PPP2R3B: variants seen among roughly 807,000 people sequenced by gnomAD.
The protein encoded by PPP2R3B is serine/threonine-protein phosphatase 2A regulatory subunit B'' subunit beta.
A neutral mutation model predicts 72.9 loss-of-function variants in PPP2R3B; 68 were observed. That is an observed-to-expected ratio of 0.93 (90% CI 0.77 to 1.14). The LOEUF (loss-of-function observed/expected upper bound fraction) is 1.14. PPP2R3B is among the 50% of genes most tolerant of loss of function. PPP2R3B has a pLI of 0.00. For missense variants in PPP2R3B, 1,018 were observed against 842.0 expected (o/e 1.21, Z -2.59); for synonymous variants, 466 against 375.8 (o/e 1.24, Z -2.78).
intron 1 of PPP2R3B, 141 bp from the exon 2 acceptor site, chrX:361,731 C>A: frequency 1.1e-6 from 1 of 899,388 alleles, no homozygotes; most frequent in Non-Finnish European, 1.7e-6. Flanking sequence ...ACTGCAATCC[C>A]TGCGGGGGAC....
intron 7 of PPP2R3B, 168 bp from the exon 8 acceptor site, chrX:342,099 C>A (rs1224770582): frequency 6.8e-6 from 5 of 738,546 alleles, no homozygotes; most frequent in Non-Finnish European, 9.6e-6. Flanking sequence ...CCTAGGGGCC[C>A]ACCACGCTTT....
Position 334,139 on chromosome X carries a change from T to C in PPP2R3B, c.*228A>G. The C allele has an allele frequency of 4.6e-6, 2 of 430,700 alleles. No individual in the cohort carries two copies. The allele number at this position is 430,700 out of a possible 1,614,324, so 26.7% of individuals were successfully genotyped here. On this transcript the variant is annotated 3_prime_UTR_variant, in exon 13 of 13. Coordinates refer to ENST00000390665, the MANE Select transcript of PPP2R3B (RefSeq NM_013239.5). ...CGGCAAGCGCCAGAGGGTGTCCGTG[T>C]GGGAACCCGTCCCATTCACGCGCGG...
rs1168561598 is a variant in PPP2R3B, at chrX:334,130, G to A, written c.*237C>T. ...GGTCGGGAACGGCAAGCGCCAGAGG[G>A]TGTCCGTGTGGGAACCCGTCCCATT... On this transcript the variant is annotated 3_prime_UTR_variant, in exon 13 of 13. Coordinates refer to ENST00000390665, the MANE Select transcript of PPP2R3B (RefSeq NM_013239.5). 1 of 413,214 alleles carries A rather than the reference G, an allele frequency of 2.4e-6. No individual in the cohort carries two copies. The highest frequency in any genetic ancestry group is 4.2e-6 in the Non-Finnish European group (1 of 238,564). The allele number at this position is 413,214 out of a possible 1,614,324, so 25.6% of individuals were successfully genotyped here. A position where few individuals can be genotyped will look rare whatever the true frequency, so the allele number is the denominator to read the frequency against.
chrX:386,740 C>T lies in PPP2R3B; in HGVS notation c.-49G>A, dbSNP rs1182618168. The T allele has an allele frequency of 8.6e-7, 1 of 1,159,478 alleles. No homozygotes were observed. Among genetic ancestry groups the T allele is most frequent in the Non-Finnish European group, 1.1e-6 (1 of 934,940 alleles). The allele number at this position is 1,159,478 out of a possible 1,614,324, so 71.8% of individuals were successfully genotyped here. ...CCCCGGACGCCCGCGCCCCGCCCCG[C>T]CCCGGGGGCTTCGGTCCGCCCCGGA... On this transcript the variant is annotated 5_prime_UTR_variant, in exon 1 of 13. Coordinates refer to ENST00000390665, the MANE Select transcript of PPP2R3B (RefSeq NM_013239.5).
chrX:374,991 C>A lies in PPP2R3B; in HGVS notation c.324+11377G>T, dbSNP rs1279560301. Among the ~76,000 whole-genome samples, 6 of 152,300 alleles carry A rather than the reference C, an allele frequency of 3.9e-5. No individual in the cohort carries two copies. The South Asian group carries it at 1.2e-3, about 32-fold the overall frequency. ...TCCTAGACTTGGAACCAGAAGTCTG[C>A]AGCCATCTCAGACTGGCCTTTTCTT... On this transcript the variant is annotated intron_variant, in intron 1 of 12. Transcript: ENST00000390665.
intron 1 of PPP2R3B, among the ~76,000 whole-genome samples, chrX:380,935 TTTC>T (rs2072110691): frequency 6.6e-6 from 1 of 151,184 alleles, no homozygotes; most frequent in African/African-American, 2.4e-5. Flanking sequence ...TGGCGTTTTC[TTTC>T]TTTTTTTTTT....
At chrX:370,112 C>G (rs1269338220) in intron 1 of PPP2R3B, among the ~76,000 whole-genome samples, 1 of 152,164 alleles carries the variant, frequency 6.6e-6, no homozygotes, top group Non-Finnish European at 1.5e-5. Context: ...GCACGCTGGA[C>G]GGCTAAACAC....
At chrX:352,439 G>A (rs141147749) in intron 2 of PPP2R3B, among the ~76,000 whole-genome samples, 1,515 of 151,384 alleles carry the variant, frequency 0.01, 33 homozygotes, top group African/African-American at 0.035. Context: ...TCCAGGACAC[G>A]GCAACGGGAC....
At position 334,517 on chromosome X, in the gene PPP2R3B, C is replaced by A. The variant is rs1367826632; in HGVS notation, c.1578G>T (p.Gly526=). The change falls in exon 13 of 13, where the codon GGG becomes GGT. Residue 526 remains glycine (G), a splice_region_variant and synonymous_variant. Transcript: ENST00000390665. Reference sequence around the variant, plus strand: ...CCACAGGGCTGAGCTCGGCCTCGAACCTGCAACGAGGGGATGGCGAAGACG... The same window carrying A: ...CCACAGGGCTGAGCTCGGCCTCGAAACTGCAACGAGGGGATGGCGAAGACG... ...EETAGEPWED[G]FEAELSPVEQ... The A allele has an allele frequency of 6.5e-7, 1 of 1,538,892 alleles. No homozygotes were observed. Among genetic ancestry groups the A allele is most frequent in the Non-Finnish European group, 8.7e-7 (1 of 1,149,994 alleles).
In PPP2R3B at chrX:333,959, C is replaced by T. The variant is rs2070812647; in HGVS notation, c.*408G>A. The T allele has an allele frequency of 5.9e-6, 1 of 168,980 alleles. No individual in the cohort carries two copies. The highest frequency in any genetic ancestry group is 1.3e-5 in the Non-Finnish European group (1 of 79,636). 10.5% of individuals were successfully genotyped at this position (168,980 alleles called of 1,614,324 possible). A position where few individuals can be genotyped will look rare whatever the true frequency, so the allele number is the denominator to read the frequency against. On this transcript the variant is annotated 3_prime_UTR_variant, in exon 13 of 13. Coordinates refer to ENST00000390665, the MANE Select transcript of PPP2R3B (RefSeq NM_013239.5). ...CCTCCAAACGTACAAGCGTGATCGC[C>T]AGAAACGGTTTTGTACGTTTACACA... is the stretch of plus-strand genomic sequence containing the variant.
rs1013736419 is a variant in PPP2R3B at position 334,114 on chromosome X, C to T, written c.*253G>A. 11 of 378,294 alleles carry T rather than the reference C, an allele frequency of 2.9e-5. No individual in the cohort carries two copies. The highest frequency in any genetic ancestry group is 6.8e-4 in the Middle Eastern group (1 of 1,470). The allele number at this position is 378,294 out of a possible 1,614,324, so 23.4% of individuals were successfully genotyped here. A position where few individuals can be genotyped will look rare whatever the true frequency, so the allele number is the denominator to read the frequency against. On this transcript the variant is annotated 3_prime_UTR_variant, in exon 13 of 13. Coordinates refer to ENST00000390665, the MANE Select transcript of PPP2R3B (RefSeq NM_013239.5). ...CCCGGAACCCAGGCTGGGTCGGGAA[C>T]GGCAAGCGCCAGAGGGTGTCCGTGT...
intron 6 of PPP2R3B, 162 bp from the exon 7 acceptor site, chrX:345,834 T>A: frequency 2.7e-5 from 1 of 36,454 alleles, no homozygotes; most frequent in African/African-American, 1.5e-4. Flanking sequence ...TGGGGGCAAC[T>A]CTGCGGTGGG....
chrX:354,144 C>T (rs1284745495), intron 2 of PPP2R3B, among the ~76,000 whole-genome samples: 1 of 142,112 alleles, frequency 7.0e-6, no homozygotes, highest in African/African-American at 2.9e-5. Context: ...GGGGGCTCAC[C>T]CAAACACCGG....
intron 2 of PPP2R3B, among the ~76,000 whole-genome samples, chrX:353,098 G>A (rs2071363919): frequency 1.3e-5 from 2 of 152,022 alleles, no homozygotes; most frequent in Admixed American, 1.3e-4. Context: ...CAGTGGCCGG[G>A]TGCGGTGGCT....
At position 345,520 on chromosome X, in the gene PPP2R3B, G is replaced by A. The variant is rs760616499; in HGVS notation, c.1032C>T (p.Asp344=). Residue 344 remains aspartate (D), a synonymous_variant, in exon 7 of 13, where the codon GAC becomes GAT. Transcript: ENST00000390665. The part of the protein sequence containing the change: ...IDADDLARHN[D]HALSTKMIDR... ...CGCCCCTGTGCCCCCACGCACCGTG[G>A]TCATTGTGCCGCGCCAGGTCGTCCG... 4 of 1,612,920 alleles carry A rather than the reference G, an allele frequency of 2.5e-6. No homozygotes were observed. The highest frequency in any genetic ancestry group is 3.3e-4 in the Middle Eastern group (2 of 6,054).
At position 338,397 on chromosome X, in the gene PPP2R3B, G is replaced by A. The variant is rs1402918034; in HGVS notation, c.1577+207C>T. On this transcript the variant is annotated intron_variant, in intron 12 of 12. Coordinates refer to ENST00000390665, the MANE Select transcript of PPP2R3B (RefSeq NM_013239.5). Reference sequence around the variant, plus strand: ...CCACGCGGGGAATGACGGGCAGACTGCACCGAGGCCCGGCCCTGTCATCGG... The same window carrying A: ...CCACGCGGGGAATGACGGGCAGACTACACCGAGGCCCGGCCCTGTCATCGG... 8.0e-6 allele frequency: 5 copies of A among 622,312 alleles called. No homozygotes were observed. In the Admixed American group the frequency reaches 1.0e-4, roughly 13 times the overall value. 38.5% of individuals were successfully genotyped at this position (622,312 alleles called of 1,614,324 possible).
intron 7 of PPP2R3B, 134 bp from the exon 8 acceptor site, chrX:342,065 C>A: frequency 9.9e-7 from 1 of 1,009,920 alleles, no homozygotes. Flanking sequence ...AGCCCCGGGG[C>A]CCCGATGCCC....
At chrX:355,660 C>T (rs1454609083) in intron 2 of PPP2R3B, among the ~76,000 whole-genome samples, 1 of 152,200 alleles carries the variant, frequency 6.6e-6, no homozygotes, top group Non-Finnish European at 1.5e-5. Flanking sequence ...TCTCCGAGTT[C>T]TGTGCTCCAA....
intron 2 of PPP2R3B, among the ~76,000 whole-genome samples, chrX:356,898 G>A (rs1426638371): frequency 8.3e-6 from 1 of 120,054 alleles, no homozygotes; most frequent in African/African-American, 2.6e-5. Flanking sequence ...CAGCCACACA[G>A]CGAGCCCCAC....
Sources: gnomAD v4.1 joint callset for allele counts (sites outside exome capture counted in the v4.1 genomes callset) on GRCh38, gnomAD v4.1.1 for gene constraint, MANE v1.5 for transcripts, NCBI Gene and HGNC (gene_info 2026-07-23, HGNC 2026-07-21) for gene names.